Variants in CNTN4 observed in about 807,000 individuals in gnomAD.
CNTN4 encodes the protein contactin 4, also known as contactin-4.
A neutral mutation model predicts 122.5 loss-of-function variants in CNTN4; 77 were observed. That is an observed-to-expected ratio of 0.63 (90% CI 0.52 to 0.76). The LOEUF (loss-of-function observed/expected upper bound fraction) is 0.76. Among genes scored for constraint, CNTN4 ranks in the 30% least tolerant of loss-of-function variants. CNTN4 has a pLI of 0.00. For missense variants in CNTN4, 1,256 were observed against 1,259.1 expected (o/e 1.00, Z 0.04); for synonymous variants, 512 against 447.0 (o/e 1.15, Z -1.83).
At chr3:2,654,700 A>T (rs970185842) in intron 4 of CNTN4, among the ~76,000 whole-genome samples, 2 of 152,096 alleles carry the variant, frequency 1.3e-5, no homozygotes, top group African/African-American at 4.8e-5. Context: ...GATTAATATT[A>T]TATGCTGCTT....
At chr3:2,464,435 G>C (rs539732897) in intron 3 of CNTN4, among the ~76,000 whole-genome samples, 27 of 152,256 alleles carry the variant, frequency 1.8e-4, no homozygotes, top group African/African-American at 6.0e-4. Context: ...CATCAGCCAG[G>C]GTAGCTTAAA....
At chr3:2,624,626 T>A (rs2082112889) in intron 4 of CNTN4, among the ~76,000 whole-genome samples, 1 of 144,904 alleles carries the variant, frequency 6.9e-6, no homozygotes, top group Admixed American at 7.5e-5. Context: ...AATTTCTGAT[T>A]CTTTTTTTTT....
chr3:2,415,433 CAG>C (rs1166858212), intron 3 of CNTN4, among the ~76,000 whole-genome samples: 6 of 152,136 alleles, frequency 3.9e-5, no homozygotes, highest in African/African-American at 1.4e-4. Flanking sequence ...TGTAATAGTG[CAG>C]AGTTTCACTT....
chr3:2,175,582 G>A (rs1207681816), intron 2 of CNTN4, among the ~76,000 whole-genome samples: 1 of 152,210 alleles, frequency 6.6e-6, no homozygotes, highest in African/African-American at 2.4e-5. Flanking sequence ...GAAGGTCAGA[G>A]ACAGAGGCTT....
chr3:2,861,097 C>T lies in CNTN4; in HGVS notation c.455-5655C>T, dbSNP rs1310520708. On this transcript the variant is annotated intron_variant, in intron 7 of 24. Coordinates refer to ENST00000418658, the MANE Select transcript of CNTN4 (RefSeq NM_175607.3). ...AATTTACATTAATATGTTTGGTGAT[C>T]GGTGTAACTCTTGGTTTAGGCAGGG... is the stretch of plus-strand genomic sequence containing the variant. Among the ~76,000 whole-genome samples, 9 of 152,214 alleles carry T rather than the reference C, an allele frequency of 5.9e-5. 1 individual carries two copies. The highest frequency in any genetic ancestry group is 4.1e-4 in the South Asian group (2 of 4,824).
At chr3:2,859,580 A>G (rs555680991) in intron 7 of CNTN4, among the ~76,000 whole-genome samples, 16 of 152,026 alleles carry the variant, frequency 1.1e-4, no homozygotes, top group African/African-American at 3.9e-4. Context: ...GCAGGATGCA[A>G]AGTTTACTGA....
chr3:2,728,000 C>G (rs961109377), intron 4 of CNTN4, among the ~76,000 whole-genome samples: 1 of 152,196 alleles, frequency 6.6e-6, no homozygotes, highest in African/African-American at 2.4e-5. Context: ...AAATAGAATA[C>G]TTATTCAATA....
At chr3:2,981,738 G>T (rs894086961) in intron 13 of CNTN4, among the ~76,000 whole-genome samples, 6 of 151,946 alleles carry the variant, frequency 3.9e-5, no homozygotes, top group South Asian at 2.1e-4. Flanking sequence ...CTTATTTCTG[G>T]CTTATAAAAA....
chr3:2,297,751 A>G (rs2042367224), intron 2 of CNTN4, among the ~76,000 whole-genome samples: 1 of 151,982 alleles, frequency 6.6e-6, no homozygotes, highest in South Asian at 2.1e-4. Context: ...TTTGTCTGAG[A>G]CAGAGTCTCA....
At chr3:2,944,132 G>C (rs1411046005) in intron 13 of CNTN4, among the ~76,000 whole-genome samples, 1 of 149,918 alleles carries the variant, frequency 6.7e-6, no homozygotes, top group African/African-American at 2.5e-5. Flanking sequence ...TCATGGTTCA[G>C]AGAAAAAATG....
chr3:2,574,297 T>A (rs2079562059), intron 4 of CNTN4, among the ~76,000 whole-genome samples: 1 of 152,154 alleles, frequency 6.6e-6, no homozygotes, highest in Non-Finnish European at 1.5e-5. Flanking sequence ...TTTCTATACA[T>A]CTTCAGGCTG....
intron 14 of CNTN4, among the ~76,000 whole-genome samples, chr3:2,989,821 G>A (rs923557834): frequency 6.6e-6 from 1 of 152,180 alleles, no homozygotes; most frequent in Non-Finnish European, 1.5e-5. Flanking sequence ...GACTGTCTTG[G>A]CTAAAGGAAG....
chr3:2,345,969 A>G (rs2044382490), intron 3 of CNTN4, among the ~76,000 whole-genome samples: 1 of 152,112 alleles, frequency 6.6e-6, no homozygotes, highest in Non-Finnish European at 1.5e-5. Context: ...TTCAACCTTT[A>G]TGTTTAGTTT....
intron 3 of CNTN4, among the ~76,000 whole-genome samples, chr3:2,485,556 C>T (rs934793253): frequency 6.6e-6 from 1 of 152,004 alleles, no homozygotes; most frequent in Admixed American, 6.5e-5. Flanking sequence ...ATACACCCAT[C>T]GGCACTCTGT....
intron 23 of CNTN4, among the ~76,000 whole-genome samples, chr3:3,044,874 G>A (rs575645028): frequency 4.6e-4 from 70 of 152,336 alleles, no homozygotes; most frequent in African/African-American, 1.6e-3. Flanking sequence ...GCAAAGCTGT[G>A]ACAGACAGCA....
At chr3:2,320,335 G>A (rs2043236798) in intron 2 of CNTN4, among the ~76,000 whole-genome samples, 1 of 152,104 alleles carries the variant, frequency 6.6e-6, no homozygotes, top group Non-Finnish European at 1.5e-5. Flanking sequence ...TAATCAAGAT[G>A]AATTATAACA....
chr3:2,824,464 A>G (rs2092944784), intron 7 of CNTN4, among the ~76,000 whole-genome samples: 1 of 149,946 alleles, frequency 6.7e-6, no homozygotes, highest in Non-Finnish European at 1.5e-5. Context: ...CTCAAAAAAA[A>G]CAAAAACAAA....
chr3:2,597,338 A>G lies in CNTN4; in HGVS notation c.55+25780A>G, dbSNP rs190385086. Among the ~76,000 whole-genome samples the G allele has an allele frequency of 2.2e-4, 34 of 152,300 alleles. 2 individuals carry two copies. Among genetic ancestry groups the G allele is most frequent in the Admixed American group, 1.8e-3 (27 of 15,296 alleles). On this transcript the variant is annotated intron_variant, in intron 4 of 24. Transcript: ENST00000418658. ...AAGGGGTAATGCCTCTTCTACTACC[A>G]TTTGTAGTTTGTCCTCTAGGTTCAG...
intron 4 of CNTN4, among the ~76,000 whole-genome samples, chr3:2,670,421 CT>C (rs1013441326): frequency 2.0e-5 from 3 of 151,830 alleles, no homozygotes; most frequent in Non-Finnish European, 2.9e-5. Context: ...CAACCCCTGC[CT>C]TTTTTTTGTT....
Sources: allele counts gnomAD v4.1 joint callset (sites outside exome capture counted in the v4.1 genomes callset), GRCh38; gene constraint gnomAD v4.1.1; transcripts MANE v1.5; gene names NCBI Gene and HGNC (gene_info 2026-07-23, HGNC 2026-07-21).